The following NOL9 variants were observed in gnomAD, a reference collection of about 807,000 sequenced individuals.
NOL9 encodes the protein nucleolar protein 9, also known as polynucleotide 5'-hydroxyl-kinase NOL9.
A neutral mutation model predicts 67.9 loss-of-function variants in NOL9; 28 were observed. The ratio of observed to expected loss-of-function variants is 0.41; its 90% CI spans 0.31 to 0.57. The LOEUF (loss-of-function observed/expected upper bound fraction) is 0.57. NOL9 is among the 20% of genes least tolerant of loss of function. NOL9 has a pLI of 0.25. For missense variants in NOL9, 777 were observed against 897.0 expected (o/e 0.87, Z 1.71); for synonymous variants, 356 against 352.2 (o/e 1.01, Z -0.12).
intron 10 of NOL9, 65 bp from the exon 11 acceptor site, chr1:6,526,894 G>A: frequency 6.7e-7 from 1 of 1,502,396 alleles, no homozygotes; most frequent in East Asian, 2.3e-5. Context: ...TCCATCGTTA[G>A]AAACTGCAGA....
intron 3 of NOL9, among the ~76,000 whole-genome samples, chr1:6,545,953 C>A (rs1160253043): frequency 6.8e-6 from 1 of 146,844 alleles, no homozygotes; most frequent in South Asian, 2.1e-4. Context: ...AGAGAAGCAG[C>A]CTAGTGTGAG....
At chr1:6,544,544 C>CGCACGCACACACT (rs61278197) in intron 5 of NOL9, among the ~76,000 whole-genome samples, 4 of 118,666 alleles carry the variant, frequency 3.4e-5, no homozygotes, top group Non-Finnish European at 4.7e-5. Context: ...CACACACGCA[C>CGCACGCACACACT]CCCCCCCCCG....
At chr1:6,535,101 T>TG (rs1270049595) in intron 6 of NOL9, among the ~76,000 whole-genome samples, 1 of 152,198 alleles carries the variant, frequency 6.6e-6, no homozygotes, top group Non-Finnish European at 1.5e-5. Flanking sequence ...TGAAGCACCG[T>TG]GCCTGGTTTT....
At position 6,533,323 on chromosome 1, in the gene NOL9, CTT is replaced by C; in HGVS notation, c.1192_1193del (p.Lys398GlufsTer23). 2 of 1,611,158 alleles carry C rather than the reference CTT, an allele frequency of 1.2e-6. No homozygotes were observed. Among genetic ancestry groups the C allele is most frequent in the Non-Finnish European group, 1.7e-6 (2 of 1,178,532 alleles). On this transcript the variant is annotated frameshift_variant, in exon 7 of 12. Coordinates refer to ENST00000377705, the MANE Select transcript of NOL9 (RefSeq NM_024654.5). LOFTEE classifies it high-confidence loss of function. ...DIVKYVFSAY[K>X]RESPLIVNTM... is the part of the protein sequence containing the mutation. ...TGTTGACGATGAGAGGGGACTCTCT[CTT>C]GTAAGCGCTGAACACATATTTCACT...
chr1:6,538,191 G>A (rs1639198655), intron 6 of NOL9, among the ~76,000 whole-genome samples: 1 of 152,184 alleles, frequency 6.6e-6, no homozygotes, highest in East Asian at 1.9e-4. Context: ...TGAAAAAATA[G>A]ATACACTGAA....
intron 6 of NOL9, among the ~76,000 whole-genome samples, chr1:6,541,142 A>G (rs959544634): frequency 1.1e-4 from 16 of 151,498 alleles, no homozygotes; most frequent in African/African-American, 3.9e-4. Flanking sequence ...CGGCGTCCCA[A>G]GTAGCTGGGA....
chr1:6,541,441 C>T (rs1639289163), intron 6 of NOL9, among the ~76,000 whole-genome samples: 1 of 152,168 alleles, frequency 6.6e-6, no homozygotes, highest in African/African-American at 2.4e-5. Flanking sequence ...CTCAGCCTCC[C>T]CAAGTGCTGG....
At chr1:6,527,646 A>C (rs1638920413) in intron 10 of NOL9, among the ~76,000 whole-genome samples, 1 of 151,932 alleles carries the variant, frequency 6.6e-6, no homozygotes, top group Admixed American at 6.6e-5. Flanking sequence ...AAACAAAAAA[A>C]AAACAGCCTG....
At chr1:6,526,370 CT>C (rs1638884312) in intron 11 of NOL9, among the ~76,000 whole-genome samples, 1 of 152,140 alleles carries the variant, frequency 6.6e-6, no homozygotes, top group African/African-American at 2.4e-5. Context: ...ACGCCTTGAC[CT>C]GGTCCCGTGA....
Position 6,554,087 on chromosome 1 carries a change from T to C in NOL9, c.396+20A>G. On this transcript the variant is annotated intron_variant, in intron 1 of 11. Coordinates refer to ENST00000377705, the MANE Select transcript of NOL9 (RefSeq NM_024654.5). ...AGCCCTCCCTGCCCTCGGGGACTAC[T>C]ACCGGCGCCCCCCACCTACCTGCTC... is the stretch of plus-strand genomic sequence containing the variant. The C allele has an allele frequency of 6.6e-7, 1 of 1,511,364 alleles. No homozygotes were observed. The highest frequency in any genetic ancestry group is 8.9e-7 in the Non-Finnish European group (1 of 1,129,180). 93.6% of individuals were successfully genotyped at this position (1,511,364 alleles called of 1,614,324 possible). A position where few individuals can be genotyped will look rare whatever the true frequency, so the allele number is the denominator to read the frequency against.
In NOL9 at chr1:6,554,320, G is replaced by A. The variant is rs1301550387; in HGVS notation, c.183C>T (p.Asp61=). The stretch of plus-strand genomic sequence containing the variant: ...ACACCTGGCGGGCTCCCTCCCTCCA[G>A]TCCACGCCGGACGCCTGGGCTTGCA... The part of the protein sequence containing the change: ...RLLQAQASGV[D]WREGARQVSR... The change falls in exon 1 of 12, where the codon GAC becomes GAT. Residue 61 remains aspartate (D), a synonymous_variant. Coordinates refer to ENST00000377705, the MANE Select transcript of NOL9 (RefSeq NM_024654.5). 4 of 1,473,844 alleles carry A rather than the reference G, an allele frequency of 2.7e-6. No individual in the cohort carries two copies. Among genetic ancestry groups the A allele is most frequent in the Non-Finnish European group, 3.6e-6 (4 of 1,116,904 alleles). The allele number at this position is 1,473,844 out of a possible 1,614,324, so 91.3% of individuals were successfully genotyped here.
chr1:6,540,162 G>A (rs530108269), intron 6 of NOL9, among the ~76,000 whole-genome samples: 28 of 119,970 alleles, frequency 2.3e-4, no homozygotes, highest in East Asian at 1.2e-3. Context: ...TTGCTCTGTC[G>A]CCCAGGCTGG....
chr1:6,552,774 C>G (rs1392736072), intron 1 of NOL9, among the ~76,000 whole-genome samples: 1 of 152,176 alleles, frequency 6.6e-6, no homozygotes, highest in African/African-American at 2.4e-5. Flanking sequence ...CCAGCTCTCT[C>G]TTTTCCTTTT....
At chr1:6,538,791 T>C (rs955596463) in intron 6 of NOL9, among the ~76,000 whole-genome samples, 1 of 152,154 alleles carries the variant, frequency 6.6e-6, no homozygotes. Context: ...GAGACCAGCC[T>C]GGCCAATGTG....
chr1:6,554,374 G>A lies in NOL9; in HGVS notation c.129C>T (p.Cys43=), dbSNP rs1207733150. 6.8e-7 allele frequency: 1 copy of A among 1,465,632 alleles called. No homozygotes were observed. Among genetic ancestry groups the A allele is most frequent in the Non-Finnish European group, 8.9e-7 (1 of 1,120,488 alleles). The allele number at this position is 1,465,632 out of a possible 1,614,324, so 90.8% of individuals were successfully genotyped here. A position where few individuals can be genotyped will look rare whatever the true frequency, so the allele number is the denominator to read the frequency against. Residue 43 remains cysteine (C), a synonymous_variant, in exon 1 of 12, where the codon TGC becomes TGT. Coordinates refer to ENST00000377705, the MANE Select transcript of NOL9 (RefSeq NM_024654.5). ...ACCGCCACCGTAGGCGCCGCCGACC[G>A]CACCAGCGCAGGCTCCCGAGCCGGC... ...PRRRLGSLRW[C]GRRRLRWRLL...
chr1:6,536,131 G>A (rs1639150335), intron 6 of NOL9, among the ~76,000 whole-genome samples: 1 of 151,906 alleles, frequency 6.6e-6, no homozygotes, highest in Admixed American at 6.6e-5. Flanking sequence ...TGGATCACCA[G>A]GTCAGGAGAT....
chr1:6,545,050 G>T lies in NOL9; in HGVS notation c.875C>A (p.Ser292Tyr), dbSNP rs1157910063. The change falls in exon 4 of 12, where the codon TCC (serine) becomes TAC (tyrosine). Residue 292 changes from serine (S) to tyrosine (Y), a missense_variant. Transcript: ENST00000377705. Reference protein sequence around the residue: ...LSALEELVNVSCEEVDGCPVI... With the variant: ...LSALEELVNVYCEEVDGCPVI... ...GATCAATGTGTATTACTCACCACAG[G>T]AAACATTGACTAACTCTTCCAGGGC... The T allele has an allele frequency of 1.2e-6, 2 of 1,614,028 alleles. 1 individual carries two copies. The highest frequency in any genetic ancestry group is 3.3e-4 in the Middle Eastern group (2 of 6,084).
rs138003508 is a variant in NOL9, at chr1:6,532,790, T to A, written c.1238-30A>T. ...GGGGAAGAGACATTAGCACAGCTGA[T>A]ACACTCAAGAACAGTGACGCGCTCA... On this transcript the variant is annotated intron_variant, in intron 7 of 11. Coordinates refer to ENST00000377705, the MANE Select transcript of NOL9 (RefSeq NM_024654.5). 27 of 1,586,430 alleles carry A rather than the reference T, an allele frequency of 1.7e-5. No homozygotes were observed. In the African/African-American group the frequency reaches 3.1e-4, roughly 18 times the overall value.
intron 3 of NOL9, among the ~76,000 whole-genome samples, chr1:6,547,276 A>C (rs1266922388): frequency 2.0e-5 from 3 of 152,168 alleles, no homozygotes; most frequent in African/African-American, 7.2e-5. Context: ...TGCCCACTTG[A>C]CATGTCCAGC....
Sources: allele counts gnomAD v4.1 joint callset (sites outside exome capture counted in the v4.1 genomes callset), GRCh38; gene constraint gnomAD v4.1.1; transcripts MANE v1.5; gene names NCBI Gene and HGNC (gene_info 2026-07-23, HGNC 2026-07-21).